MAP2K2: variants seen among roughly 807,000 people sequenced by gnomAD.
MAP2K2 encodes the protein dual specificity mitogen-activated protein kinase kinase 2.
A neutral mutation model predicts 43.7 loss-of-function variants in MAP2K2; 24 were observed. That is an observed-to-expected ratio of 0.55 (90% CI 0.40 to 0.77). The LOEUF (loss-of-function observed/expected upper bound fraction) is 0.77, where lower values mean the gene tolerates loss of function less well. Ranked by LOEUF, MAP2K2 falls within the 30% of genes least tolerant of loss-of-function variation. The probability of loss-of-function intolerance (pLI) is 0.00; values close to 1 mark genes in which losing one functional copy is unlikely to be tolerated. For missense variants in MAP2K2, 470 were observed against 566.8 expected (o/e 0.83, Z 1.73); for synonymous variants, 244 against 239.7 (o/e 1.02, Z -0.17).
rs73536061 is a variant in MAP2K2, at chr19:4,101,418, C to T, written c.529-138G>A. The T allele has an allele frequency of 7.2e-3, 6,817 of 949,624 alleles. 298 individuals are homozygous for T. The African/African-American group carries it at 0.093, about 13-fold the overall frequency. 58.8% of individuals were successfully genotyped at this position (949,624 alleles called of 1,614,324 possible). On this transcript the variant is annotated intron_variant, in intron 4 of 10. Transcript: ENST00000262948. This position sits in a 1 kb window ranked among gnomAD's most constrained non-coding sequence, Gnocchi z 6.3. ...GAACCATTTCAGGCTGTGAGGAGCT[C>T]GCTGGGGTGGAGCAAGCGAGGCCAG...
At chr19:4,099,103 C>A (rs556154660) in intron 7 of MAP2K2, 98 bp downstream of exon 7, 2 of 1,013,622 alleles carry the variant, frequency 2.0e-6, no homozygotes, top group African/African-American at 1.6e-5. Flanking sequence ...ACAGGTGGTG[C>A]GCCAGGGGCA....
chr19:4,108,760 G>A (rs192625397), intron 3 of MAP2K2, among the ~76,000 whole-genome samples: 1 of 152,192 alleles, frequency 6.6e-6, no homozygotes, highest in East Asian at 1.9e-4. Flanking sequence ...CGAGAACTGA[G>A]TCAGCCACAC....
Position 4,101,547 on chromosome 19 carries a change from A to G in MAP2K2, c.529-267T>C, listed in dbSNP as rs896376004. Among the ~76,000 whole-genome samples, 1 of 152,052 alleles carries G rather than the reference A, an allele frequency of 6.6e-6. No individual in the cohort carries two copies. Among genetic ancestry groups the G allele is most frequent in the African/African-American group, 2.4e-5 (1 of 41,398 alleles). ...CACTACTGCCTTTGATTCAGAGCAC[A>G]CGGCTTAGCCCCAGGGAAGCTGAGA... On this transcript the variant is annotated intron_variant, in intron 4 of 10. Coordinates refer to ENST00000262948, the MANE Select transcript of MAP2K2 (RefSeq NM_030662.4). This position sits in a 1 kb window ranked among gnomAD's most constrained non-coding sequence, Gnocchi z 6.3.
rs890722743 is a variant in MAP2K2, at chr19:4,115,622, C to T, written c.303+1797G>A. ...GAAATAGCAAGTCCGCGGCTGCACA[C>T]TTCAGGAGGGAGGGAGGGCAGCACT... is the stretch of plus-strand genomic sequence containing the variant. On this transcript the variant is annotated intron_variant, in intron 2 of 10. Coordinates refer to ENST00000262948, the MANE Select transcript of MAP2K2 (RefSeq NM_030662.4). The surrounding 1 kb of genome is among the most constrained non-coding windows in gnomAD (Gnocchi z 4.1). 6.6e-6 allele frequency among the ~76,000 whole-genome samples: 1 copy of T among 152,202 alleles called. No individual in the cohort carries two copies. Among genetic ancestry groups the T allele is most frequent in the Non-Finnish European group, 1.5e-5 (1 of 68,036 alleles).
intron 1 of MAP2K2, among the ~76,000 whole-genome samples, chr19:4,119,261 G>GAAAA (rs2041264425): frequency 6.6e-6 from 1 of 151,696 alleles, no homozygotes; most frequent in Non-Finnish European, 1.5e-5. Flanking sequence ...TCATTCTGTC[G>GAAAA]CCCAGGCTGG....
In MAP2K2 at chr19:4,115,355, G is replaced by T. The variant is rs2041206972; in HGVS notation, c.303+2064C>A. Among the ~76,000 whole-genome samples the T allele has an allele frequency of 6.6e-6, 1 of 152,178 alleles. No individual in the cohort carries two copies. Among genetic ancestry groups the T allele is most frequent in the African/African-American group, 2.4e-5 (1 of 41,444 alleles). ...CACCTGCGCCTGTCAGCAGGAGCAG[G>T]AGCTGCTGATACAGCAAGCATTGGG... On this transcript the variant is annotated intron_variant, in intron 2 of 10. Transcript: ENST00000262948. This position sits in a 1 kb window ranked among gnomAD's most constrained non-coding sequence, Gnocchi z 4.1.
intron 3 of MAP2K2, 88 bp downstream of exon 3, chr19:4,110,421 G>C: frequency 1.3e-6 from 2 of 1,543,820 alleles, no homozygotes; most frequent in Non-Finnish European, 8.9e-7. Context: ...TGCCTCTGAG[G>C]AAAGGGGCCG....
chr19:4,104,490 T>G (rs2041058809), intron 3 of MAP2K2: 1 of 151,386 alleles, frequency 6.6e-6, no homozygotes, highest in South Asian at 2.1e-4. Context: ...GAGGTCAAGG[T>G]TGCAGTGAGC....
Position 4,099,188 on chromosome 19 carries a change from ATT to A in MAP2K2, c.919+11_919+12del, listed in dbSNP as rs1232631838. 7 of 1,591,842 alleles carry A rather than the reference ATT, an allele frequency of 4.4e-6. No individual in the cohort carries two copies. The highest frequency in any genetic ancestry group is 5.1e-6 in the Non-Finnish European group (6 of 1,170,632). On this transcript the variant is annotated intron_variant, in intron 7 of 10. Transcript: ENST00000262948. ...TGCGCGTCCAGACCGGAAGTTGCAG[ATT>A]CAGGCCGTACCGCTGACGGGGCGCC...
Position 4,100,558 on chromosome 19 carries a change from G to A in MAP2K2, c.705+461C>T, listed in dbSNP as rs528527316. On this transcript the variant is annotated intron_variant, in intron 6 of 10. Coordinates refer to ENST00000262948, the MANE Select transcript of MAP2K2 (RefSeq NM_030662.4). ...GTGGTGGCTCAGGCTCACTGCTAGT[G>A]GAATCCCAGCACTTTGGGAGGCTGA... 17 of 188,426 alleles carry A rather than the reference G, an allele frequency of 9.0e-5. 1 individual carries two copies. In the South Asian group the frequency reaches 1.4e-3, roughly 15 times the overall value. The allele number at this position is 188,426 out of a possible 1,614,324, so 11.7% of individuals were successfully genotyped here.
chr19:4,123,005 C>T (rs2041320153), intron 1 of MAP2K2, among the ~76,000 whole-genome samples: 1 of 151,262 alleles, frequency 6.6e-6, no homozygotes, highest in Non-Finnish European at 1.5e-5. Context: ...GCCTGACCTC[C>T]CCACACCCCA....
chr19:4,102,495 G>T (rs1398306437), intron 3 of MAP2K2, 42 bp from the exon 4 acceptor site: 2 of 1,470,496 alleles, frequency 1.4e-6, no homozygotes, highest in South Asian at 2.4e-5. Context: ...CTGCGCAGGT[G>T]GCCGGGAAGC....
chr19:4,105,395 A>G (rs1384351597), intron 3 of MAP2K2, among the ~76,000 whole-genome samples: 1 of 151,192 alleles, frequency 6.6e-6, no homozygotes, highest in Non-Finnish European at 1.5e-5. Context: ...CAGCCTCCTG[A>G]GTAGCTGGGA....
intron 9 of MAP2K2, chr19:4,094,953 G>A (rs1354784812): frequency 1.1e-5 from 4 of 353,934 alleles, no homozygotes; most frequent in East Asian, 9.2e-5. Context: ...CCTTCCCCGT[G>A]GTCTGCGGCA....
At chr19:4,123,327 G>C (rs1446320963) in intron 1 of MAP2K2, among the ~76,000 whole-genome samples, 1 of 149,922 alleles carries the variant, frequency 6.7e-6, no homozygotes, top group Non-Finnish European at 1.5e-5. Context: ...CTGCACTGCA[G>C]GGACCTCCCC....
chr19:4,114,087 G>A (rs1164296770), intron 2 of MAP2K2, among the ~76,000 whole-genome samples: 1 of 152,204 alleles, frequency 6.6e-6, no homozygotes, highest in Non-Finnish European at 1.5e-5. Context: ...CAGGCCAGGA[G>A]TTCAACACTG....
chr19:4,098,338 A>G (rs2040950766), intron 7 of MAP2K2, among the ~76,000 whole-genome samples: 1 of 152,132 alleles, frequency 6.6e-6, no homozygotes, highest in South Asian at 2.1e-4. Flanking sequence ...AGGTTCTGGA[A>G]TTAGAGGTGA....
intron 3 of MAP2K2, among the ~76,000 whole-genome samples, chr19:4,104,284 A>G (rs975561553): frequency 1.3e-5 from 2 of 149,798 alleles, no homozygotes; most frequent in Non-Finnish European, 3.0e-5. Context: ...AAAAAAAAAA[A>G]GCCGCACGTG....
intron 10 of MAP2K2, among the ~76,000 whole-genome samples, chr19:4,093,721 A>G (rs1016797677): frequency 2.0e-5 from 3 of 152,188 alleles, no homozygotes; most frequent in African/African-American, 7.2e-5. Flanking sequence ...TGAAAGCCAC[A>G]TTCCAGTATT....
Sources: allele counts gnomAD v4.1 joint callset (sites outside exome capture counted in the v4.1 genomes callset), GRCh38; gene constraint gnomAD v4.1.1; non-coding constraint Gnocchi (gnomAD v3.1); transcripts MANE v1.5; gene names NCBI Gene and HGNC (gene_info 2026-07-23, HGNC 2026-07-21).